Variants in MYO7A observed in about 807,000 individuals in gnomAD.
MYO7A encodes the protein unconventional myosin-VIIa.
In MYO7A, 210 loss-of-function variants were observed where a neutral mutation model predicts 263.8. The observed-to-expected ratio is 0.80, with a 90% confidence interval of 0.71 to 0.89. The LOEUF (loss-of-function observed/expected upper bound fraction) is 0.89, where lower values mean the gene tolerates loss of function less well. Among genes scored for constraint, MYO7A ranks in the 40% least tolerant of loss-of-function variants. The pLI, the probability that MYO7A is intolerant of heterozygous loss-of-function variation, is 0.00. For missense variants in MYO7A, 2,820 were observed against 2,968.3 expected (o/e 0.95, Z 1.16); for synonymous variants, 1,239 against 1,197.3 (o/e 1.03, Z -0.72).
chr11:77,213,127 AC>A, intron 47 of MYO7A, 92 bp downstream of exon 47: 1 of 988,010 alleles, frequency 1.0e-6, no homozygotes, highest in Non-Finnish European at 1.5e-6. Flanking sequence ...CCTCCTAGCC[AC>A]CATCTATCTC....
Position 77,137,019 on chromosome 11 carries a change from A to T in MYO7A, c.19-5690A>T, listed in dbSNP as rs541589044. 3.3e-5 allele frequency among the ~76,000 whole-genome samples: 5 copies of T among 152,100 alleles called. No homozygotes were observed. The South Asian group carries it at 1.0e-3, about 32-fold the overall frequency. On this transcript the variant is annotated intron_variant, in intron 2 of 48. Coordinates refer to ENST00000409709, the MANE Select transcript of MYO7A (RefSeq NM_000260.4). ...TACTCAGTGAAGGTCGGTTATATGA[A>T]CTCGTGGTAGAATGCCTGGAAGCTC... is the stretch of plus-strand genomic sequence containing the variant.
chr11:77,207,373 T>C lies in MYO7A; in HGVS notation c.5827T>C (p.Phe1943Leu). The change falls in exon 42 of 49, where the codon TTC becomes CTC. Residue 1943 changes from phenylalanine to leucine, a missense_variant. Physicochemically the swap from Phe to Leu is conservative, Grantham distance 22. Coordinates refer to ENST00000409709, the MANE Select transcript of MYO7A (RefSeq NM_000260.4). ...TRLLLKSSEGFSLFVKIADKV... is the reference protein window; with the variant it reads ...TRLLLKSSEGLSLFVKIADKV... ...GCTGCTCCTCAAGTCCTCAGAGGGA[T>C]TCAGCCTCTTTGTCAAAATTGCAGA... 4 of 1,610,774 alleles carry C rather than the reference T, an allele frequency of 2.5e-6. No individual in the cohort carries two copies. Among genetic ancestry groups the C allele is most frequent in the Non-Finnish European group, 3.4e-6 (4 of 1,178,538 alleles).
rs184243873 is a variant in MYO7A at position 77,128,896 on chromosome 11, C to A, written c.-47+407C>A. On this transcript the variant is annotated intron_variant, in intron 1 of 48. Transcript: ENST00000409709. ...TCCTTCCTCTATGCCCCAAATATCCCATCTGTGAAATGGGAGTATGAAGCC... is the reference window on the plus strand; with the variant it reads ...TCCTTCCTCTATGCCCCAAATATCCAATCTGTGAAATGGGAGTATGAAGCC... Among the ~76,000 whole-genome samples, 62 of 152,270 alleles carry A rather than the reference C, an allele frequency of 4.1e-4. No homozygotes were observed. The East Asian group carries it at 8.5e-3, about 21-fold the overall frequency.
At chr11:77,169,905 A>G (rs1464160327) in intron 15 of MYO7A, among the ~76,000 whole-genome samples, 1 of 152,116 alleles carries the variant, frequency 6.6e-6, no homozygotes, top group Non-Finnish European at 1.5e-5. Flanking sequence ...GCAAAATCCC[A>G]TCTCTACAAA....
chr11:77,177,721 G>A, intron 19 of MYO7A, 78 bp downstream of exon 19: 1 of 1,226,732 alleles, frequency 8.2e-7, no homozygotes, highest in Non-Finnish European at 1.2e-6. Context: ...CCTCTGCTCT[G>A]CCCGCATGAA....
At chr11:77,157,528 C>G in intron 8 of MYO7A, 136 bp downstream of exon 8, 1 of 639,580 alleles carries the variant, frequency 1.6e-6, no homozygotes. Flanking sequence ...TGTCTGGACA[C>G]CAAGGAGAAG....
intron 31 of MYO7A, 73 bp downstream of exon 31, chr11:77,192,351 C>G (rs1373596032): frequency 9.6e-6 from 14 of 1,464,312 alleles, no homozygotes; most frequent in Non-Finnish European, 1.3e-5. Flanking sequence ...GGGCTGAGTG[C>G]TCCTCTGTGA....
intron 41 of MYO7A, 59 bp downstream of exon 41, chr11:77,206,261 G>A (rs1168003997): frequency 1.3e-5 from 18 of 1,337,506 alleles, no homozygotes; most frequent in Non-Finnish European, 1.9e-5. Context: ...CTTCCTGGGT[G>A]GACACCAAAG....
intron 23 of MYO7A, 21 bp from the exon 24 acceptor site, chr11:77,181,930 C>A (rs782528572): frequency 6.2e-7 from 1 of 1,610,922 alleles, no homozygotes; most frequent in Admixed American, 1.7e-5. Context: ...GACTCCAGGG[C>A]ATACCTCTTG....
At chr11:77,180,774 G>C (rs1555083631) in intron 22 of MYO7A, among the ~76,000 whole-genome samples, 2 of 152,216 alleles carry the variant, frequency 1.3e-5, no homozygotes, top group Non-Finnish European at 2.9e-5. Context: ...CTGACGGCAC[G>C]AGGGTGCTAC....
At position 77,190,276 on chromosome 11, in the gene MYO7A, C is replaced by G; in HGVS notation, c.3750+137C>G. The G allele has an allele frequency of 4.2e-6, 4 of 952,144 alleles. No individual in the cohort carries two copies. In the Admixed American group the frequency reaches 1.3e-4, roughly 32 times the overall value. The allele number at this position is 952,144 out of a possible 1,614,324, so 59.0% of individuals were successfully genotyped here. On this transcript the variant is annotated intron_variant, in intron 29 of 48. Coordinates refer to ENST00000409709, the MANE Select transcript of MYO7A (RefSeq NM_000260.4). ...ATTCTGTGGTTCCTCAGACACCTAC[C>G]CTCAAGTTCTGGAACCCCAGGCCCA...
At position 77,162,262 on chromosome 11, in the gene MYO7A, C is replaced by T; in HGVS notation, c.1486C>T (p.Leu496=). ...CGAGTTCACTGACAACCAGGATGCC[C>T]TGGACATGATTGCCAACAAGCCCAT... ...HIEFTDNQDA[L]DMIANKPMNI... is the part of the protein sequence containing the mutation. Residue 496 remains leucine (L), a synonymous_variant, in exon 13 of 49, where the codon CTG becomes TTG. Transcript: ENST00000409709. 1 of 1,556,290 alleles carries T rather than the reference C, an allele frequency of 6.4e-7. No individual in the cohort carries two copies. The highest frequency in any genetic ancestry group is 8.7e-7 in the Non-Finnish European group (1 of 1,149,390).
At chr11:77,144,101 G>A (rs959937568) in intron 3 of MYO7A, among the ~76,000 whole-genome samples, 1 of 152,164 alleles carries the variant, frequency 6.6e-6, no homozygotes, top group East Asian at 1.9e-4. Flanking sequence ...TAGAACCCAG[G>A]ACCTCTGTCT....
intron 44 of MYO7A, chr11:77,210,913 T>C (rs1451740222): frequency 1.0e-5 from 5 of 494,468 alleles, no homozygotes; most frequent in East Asian, 3.2e-5. Flanking sequence ...GGACATGAGG[T>C]AACAGACATG....
chr11:77,189,497 T>C, intron 28 of MYO7A, 27 bp downstream of exon 28: 1 of 1,612,190 alleles, frequency 6.2e-7, no homozygotes, highest in South Asian at 1.1e-5. Context: ...CCTCCTGGAG[T>C]GGGAAGGGGA....
chr11:77,177,579 C>T lies in MYO7A; in HGVS notation c.2218C>T (p.Arg740Trp), dbSNP rs201234369. ...DHHDMLLEVERDKAITDRVIL... is the reference protein window; with the variant it reads ...DHHDMLLEVEWDKAITDRVIL... ...CCATGACATGCTGCTGGAAGTGGAG[C>T]GGGACAAAGCCATCACCGACAGAGT... Residue 740 changes from arginine (R) to tryptophan (W), a missense_variant, in exon 19 of 49, where the codon CGG (arginine) becomes TGG (tryptophan). By Grantham distance (101) the Arg-to-Trp change is moderately radical (BLOSUM62 -3). Coordinates refer to ENST00000409709, the MANE Select transcript of MYO7A (RefSeq NM_000260.4). 79 of 1,611,888 alleles carry T rather than the reference C, an allele frequency of 4.9e-5. 1 individual carries two copies. In the African/African-American group the frequency reaches 8.5e-4, roughly 17 times the overall value.
intron 16 of MYO7A, among the ~76,000 whole-genome samples, chr11:77,173,465 C>G (rs922413814): frequency 6.6e-6 from 1 of 152,244 alleles, no homozygotes; most frequent in Non-Finnish European, 1.5e-5. Context: ...AGTCCACAGC[C>G]TCCTTCAACC....
Position 77,183,950 on chromosome 11 carries a change from C to T in MYO7A, c.3376-638C>T, listed in dbSNP as rs986691443. Among the ~76,000 whole-genome samples the T allele has an allele frequency of 7.2e-5, 11 of 152,242 alleles. No homozygotes were observed. The East Asian group carries it at 1.4e-3, about 19-fold the overall frequency. ...GACCCAGGGAAGAAAATGCCCACTC[C>T]GTGGGGTCCTGGGAAGAAGGCAGAA... On this transcript the variant is annotated intron_variant, in intron 26 of 48. Transcript: ENST00000409709.
Position 77,205,498 on chromosome 11 carries a change from G to C in MYO7A, c.5517G>C (p.Leu1839=). Residue 1839 remains leucine (L), a synonymous_variant, in exon 40 of 49, where the codon CTG becomes CTC. Coordinates refer to ENST00000409709, the MANE Select transcript of MYO7A (RefSeq NM_000260.4). The part of the protein sequence containing the change: ...SEERGWELLW[L]CTGLFPPSNI... Reference sequence around the variant, plus strand: ...AGCGGGGTTGGGAGCTGCTCTGGCTGTGCACGGGCCTTTTCCCACCCAGCA... The same window carrying C: ...AGCGGGGTTGGGAGCTGCTCTGGCTCTGCACGGGCCTTTTCCCACCCAGCA... 1 of 1,593,816 alleles carries C rather than the reference G, an allele frequency of 6.3e-7. No individual in the cohort carries two copies. Among genetic ancestry groups the C allele is most frequent in the African/African-American group, 1.3e-5 (1 of 74,462 alleles).
Sources: gnomAD v4.1 joint callset for allele counts (sites outside exome capture counted in the v4.1 genomes callset) on GRCh38, gnomAD v4.1.1 for gene constraint, MANE v1.5 for transcripts, NCBI Gene and HGNC (gene_info 2026-07-23, HGNC 2026-07-21) for gene names.